CLCN4: variants seen among roughly 807,000 people sequenced by gnomAD.
CLCN4 encodes H(+)/Cl(-) exchange transporter 4.
In CLCN4, 1 loss-of-function variant was observed where a neutral mutation model predicts 41.7. The observed-to-expected ratio is 0.02, with a 90% CI of 0.01 to 0.11. The LOEUF (loss-of-function observed/expected upper bound fraction) is 0.11. Among genes scored for constraint, CLCN4 ranks in the 10% least tolerant of loss-of-function variants. The pLI, the probability that CLCN4 is intolerant of heterozygous loss-of-function variation, is 1.00. For missense variants in CLCN4, 287 were observed against 661.0 expected (o/e 0.43, Z 6.20); for synonymous variants, 277 against 285.8 (o/e 0.97, Z 0.31).
At chrX:10,164,400 G>A (rs1384491408) in intron 2 of CLCN4, among the ~76,000 whole-genome samples, 1 of 112,141 alleles carries the variant, frequency 8.9e-6, no homozygotes, top group Non-Finnish European at 1.9e-5. Flanking sequence ...ACTGGCAGTT[G>A]TGGTGTCAAC....
At chrX:10,207,916 A>T in intron 8 of CLCN4, 129 bp from the exon 9 acceptor site, 1 of 559,415 alleles carries the variant, frequency 1.8e-6, no homozygotes, top group Non-Finnish European at 3.0e-6. Flanking sequence ...TGGTCACATT[A>T]AGTCCAGGCT....
Position 10,217,932 on chromosome X carries a change from G to A in CLCN4, c.1976-2729G>A, listed in dbSNP as rs1224599409. On this transcript the variant is annotated intron_variant, in intron 11 of 12. Transcript: ENST00000380833. ...TAATTTTTGTATTTTTAGTAGGGAC[G>A]GAGCTTCACCATGTTGGTCAGGCTG... 4.7e-4 allele frequency among the ~76,000 whole-genome samples: 52 copies of A among 110,229 alleles called. No homozygotes were observed. In the Admixed American group the frequency reaches 4.9e-3, roughly 10 times the overall value.
chrX:10,161,222 C>T (rs1448637020), intron 2 of CLCN4, among the ~76,000 whole-genome samples: 3 of 108,072 alleles, frequency 2.8e-5, no homozygotes, highest in Non-Finnish European at 5.7e-5. Context: ...TAGGAAAGCC[C>T]TGGTGGGGGA....
At position 10,170,251 on chromosome X, in the gene CLCN4, A is replaced by G. The variant is rs1300365379; in HGVS notation, c.-12+11700A>G. Among the ~76,000 whole-genome samples, 3 of 111,852 alleles carry G rather than the reference A, an allele frequency of 2.7e-5. No individual in the cohort carries two copies. The Admixed American group carries it at 2.8e-4, about 11-fold the overall frequency. Reference sequence around the variant, plus strand: ...GGCTAAGCTTTTTGTGGCTTAGTGGACACTATTTCTATATAGCAACATTCA... The same window carrying G: ...GGCTAAGCTTTTTGTGGCTTAGTGGGCACTATTTCTATATAGCAACATTCA... On this transcript the variant is annotated intron_variant, in intron 2 of 12. Transcript: ENST00000380833.
intron 2 of CLCN4, among the ~76,000 whole-genome samples, chrX:10,179,582 T>C (rs913331900): frequency 9.0e-6 from 1 of 111,129 alleles, no homozygotes; most frequent in African/African-American, 3.3e-5. Flanking sequence ...AGAAGCTCAG[T>C]TGGACCACCA....
intron 8 of CLCN4, 118 bp from the exon 9 acceptor site, chrX:10,207,927 C>T: frequency 5.0e-6 from 3 of 600,138 alleles, no homozygotes; most frequent in Admixed American, 3.0e-5. Flanking sequence ...AGTCCAGGCT[C>T]ATGGAATGAG....
intron 12 of CLCN4, among the ~76,000 whole-genome samples, chrX:10,223,187 T>G (rs1460077582): frequency 8.9e-6 from 1 of 112,241 alleles, no homozygotes; most frequent in African/African-American, 3.2e-5. Flanking sequence ...ATTTATGCAC[T>G]TGAGTTTCCA....
At chrX:10,223,939 A>G (rs886570093) in intron 12 of CLCN4, among the ~76,000 whole-genome samples, 3 of 111,901 alleles carry the variant, frequency 2.7e-5, no homozygotes, top group Non-Finnish European at 3.8e-5. Flanking sequence ...AATTCGCTTC[A>G]ACTGCTACTC....
intron 11 of CLCN4, among the ~76,000 whole-genome samples, chrX:10,218,861 A>C (rs1924792537): frequency 8.9e-6 from 1 of 112,510 alleles, no homozygotes; most frequent in African/African-American, 3.2e-5. Flanking sequence ...TTTGCTTGGC[A>C]GTAAATACCT....
chrX:10,233,561 C>A lies in CLCN4; in HGVS notation c.2260C>A (p.Pro754Thr). 1 of 1,206,260 alleles carries A rather than the reference C, an allele frequency of 8.3e-7. No homozygotes were observed. Among genetic ancestry groups the A allele is most frequent in the Non-Finnish European group, 1.1e-6 (1 of 890,776 alleles). The stretch of plus-strand genomic sequence containing the variant: ...TATGGCCCAGATGGCAAACCAGGAC[C>A]CCGAATCCATCATGTTTAATTAGCA... ...RHMAQMANQD[P>T]ESIMFN Residue 754 changes from proline (P) to threonine (T), a missense_variant, in exon 13 of 13, where the codon CCC (proline) becomes ACC (threonine). Pro to Thr is a conservative substitution (Grantham distance 38, BLOSUM62 -1). This residue lies in a region of CLCN4 where 14 missense variants were observed against 50.0 expected (regional missense o/e 0.28). Transcript: ENST00000380833.
intron 4 of CLCN4, among the ~76,000 whole-genome samples, chrX:10,191,692 A>ATT (rs760315418): frequency 0.084 from 4,175 of 49,726 alleles, 683 homozygotes; most frequent in Non-Finnish European, 0.11. Flanking sequence ...TATCTGGTTA[A>ATT]TTTTTTTTTT....
At chrX:10,160,584 A>G (rs1009153606) in intron 2 of CLCN4, among the ~76,000 whole-genome samples, 5 of 111,598 alleles carry the variant, frequency 4.5e-5, no homozygotes, top group Admixed American at 9.5e-5. Context: ...AAAAATGAGA[A>G]TAACAGTGTC....
At chrX:10,188,256 GACA>G (rs1290453958) in intron 4 of CLCN4, among the ~76,000 whole-genome samples, 2 of 112,466 alleles carry the variant, frequency 1.8e-5, no homozygotes, top group Non-Finnish European at 3.8e-5. Context: ...TTATGTAGAT[GACA>G]ACAAAATCAG....
chrX:10,175,927 TCCCCCTCCCTCCCTCTCC>T (rs1292331318), intron 2 of CLCN4, among the ~76,000 whole-genome samples: 6 of 71,875 alleles, frequency 8.3e-5, no homozygotes, highest in Middle Eastern at 6.8e-3. Flanking sequence ...TCTCTCTCTC[TCCCCCTCCCTCCCTCTCC>T]CTCTCTCTCT....
intron 2 of CLCN4, among the ~76,000 whole-genome samples, chrX:10,168,843 A>G (rs1923311575): frequency 9.1e-6 from 1 of 109,715 alleles, no homozygotes; most frequent in African/African-American, 3.3e-5. Flanking sequence ...ATAGGGATGG[A>G]ATCTCGGATC....
chrX:10,161,921 G>T (rs1437914880), intron 2 of CLCN4, among the ~76,000 whole-genome samples: 1 of 110,378 alleles, frequency 9.1e-6, no homozygotes, highest in African/African-American at 3.3e-5. Context: ...AGGACCCGAG[G>T]TCCATTCCAA....
chrX:10,184,342 G>A (rs1245446656), intron 2 of CLCN4, among the ~76,000 whole-genome samples: 2 of 111,182 alleles, frequency 1.8e-5, no homozygotes, highest in Admixed American at 9.6e-5. Flanking sequence ...ATCAATACTC[G>A]TGGAGCTTTC....
Position 10,233,713 on chromosome X carries a change from C to A in CLCN4, c.*129C>A. ...AGAAACAAAAGCTTTTTTGGAAAGG[C>A]GGGGAAGAAGGATGAAACCTTTAAA... On this transcript the variant is annotated 3_prime_UTR_variant, in exon 13 of 13. Transcript: ENST00000380833. The A allele has an allele frequency of 1.9e-6, 1 of 526,453 alleles. No individual in the cohort carries two copies. Among genetic ancestry groups the A allele is most frequent in the Non-Finnish European group, 3.1e-6 (1 of 320,804 alleles). The allele number at this position is 526,453 out of a possible 1,213,427, so 43.4% of individuals were successfully genotyped here. A position where few individuals can be genotyped will look rare whatever the true frequency, so the allele number is the denominator to read the frequency against.
chrX:10,190,613 C>T (rs1923936028), intron 4 of CLCN4, among the ~76,000 whole-genome samples: 1 of 111,884 alleles, frequency 8.9e-6, no homozygotes, highest in South Asian at 3.7e-4. Context: ...CGGAACCAAG[C>T]TTGCATCCAG....
Sources: gnomAD v4.1 joint callset for allele counts (sites outside exome capture counted in the v4.1 genomes callset) on GRCh38, gnomAD v4.1.1 for gene constraint, gnomAD v4.1.1 regional missense constraint, MANE v1.5 for transcripts, NCBI Gene and HGNC (gene_info 2026-07-23, HGNC 2026-07-21) for gene names.